The following CSMD1 variants were observed in gnomAD, a reference collection of about 807,000 sequenced individuals.
The protein encoded by CSMD1 is CUB and Sushi multiple domains 1, also known as CUB and sushi domain-containing protein 1.
Under a neutral mutation model 417.5 loss-of-function variants are expected in CSMD1, and 213 were observed. The observed-to-expected ratio is 0.51, with a 90% CI of 0.46 to 0.57. The LOEUF is 0.57. Ranked by LOEUF, CSMD1 falls within the 20% of genes least tolerant of loss-of-function variation. CSMD1 has a pLI of 0.00. For synonymous variants in CSMD1, 2,862 were observed against 1,736.8 expected, an observed-to-expected ratio of 1.65 and a Z score of -16.11; for missense variants, 6,923 against 4,529.7, an observed-to-expected ratio of 1.53 and a Z score of -15.17.
rs529929248 is a variant in CSMD1, at chr8:4,449,988, C to T, written c.303-29923G>A. ...TTTCCACATTCTGCCTTTCACTGGC[C>T]CTGTCCTAGCCATCTCTCCTGCTAT... On this transcript the variant is annotated intron_variant, in intron 2 of 69. Coordinates refer to ENST00000635120, the MANE Select transcript of CSMD1 (RefSeq NM_033225.6). Among the ~76,000 whole-genome samples the T allele has an allele frequency of 2.2e-4, 33 of 152,240 alleles. No individual in the cohort carries two copies. The South Asian group carries it at 2.3e-3, about 11-fold the overall frequency.
At position 3,187,896 on chromosome 8, in the gene CSMD1, T is replaced by C. The variant is rs765511425; in HGVS notation, c.5593A>G (p.Thr1865Ala). The change falls in exon 36 of 70, where the codon ACC becomes GCC. Residue 1865 changes from threonine (T) to alanine (A), a missense_variant. Transcript: ENST00000635120. ...GAGAAGCTTCCCAGTCTGGGTGCGG[T>C]CACATCCCCACCATCGTGGATCTCA... Reference protein sequence around the residue: ...SLEIHDGGDVTAPRLGSFSGT... With the variant: ...SLEIHDGGDVAAPRLGSFSGT... 5 of 1,613,034 alleles carry C rather than the reference T, an allele frequency of 3.1e-6. No individual in the cohort carries two copies. In the East Asian group the frequency reaches 1.1e-4, roughly 36 times the overall value.
intron 5 of CSMD1, among the ~76,000 whole-genome samples, chr8:3,838,537 C>CTA (rs1802858777): frequency 8.1e-6 from 1 of 123,690 alleles, no homozygotes; most frequent in Non-Finnish European, 1.6e-5. Context: ...TATATATAGT[C>CTA]TATATATGTA....
intron 55 of CSMD1, among the ~76,000 whole-genome samples, chr8:2,976,038 G>T (rs1029209765): frequency 9.2e-5 from 14 of 152,336 alleles, no homozygotes; most frequent in Non-Finnish European, 1.8e-4. Flanking sequence ...CAAGGAAGAT[G>T]AGAATGCAGA....
chr8:4,090,021 G>A (rs143290977), intron 3 of CSMD1, among the ~76,000 whole-genome samples: 19 of 152,274 alleles, frequency 1.2e-4, no homozygotes, highest in African/African-American at 4.1e-4. Flanking sequence ...TTTTGTAAAG[G>A]AATTATATTT....
intron 6 of CSMD1, among the ~76,000 whole-genome samples, chr8:3,720,620 T>TTCTCACACACACACACAC (rs72331833): frequency 0.017 from 2,371 of 143,368 alleles, 62 homozygotes; most frequent in African/African-American, 0.042. Flanking sequence ...TCTTTATTCT[T>TTCTCACACACACACACAC]ACACACACAC....
chr8:4,142,734 G>A (rs903612390), intron 3 of CSMD1, among the ~76,000 whole-genome samples: 3 of 151,046 alleles, frequency 2.0e-5, no homozygotes, highest in Non-Finnish European at 2.9e-5. Flanking sequence ...CTGACACAAC[G>A]TGAGATTACA....
chr8:3,375,145 T>A (rs1459996060), intron 18 of CSMD1: 1 of 152,108 alleles, frequency 6.6e-6, no homozygotes, highest in East Asian at 1.9e-4. Flanking sequence ...CTGACCTCGT[T>A]CTCCAACTGT....
At chr8:3,078,991 A>C (rs950751235) in intron 49 of CSMD1, among the ~76,000 whole-genome samples, 1 of 152,142 alleles carries the variant, frequency 6.6e-6, no homozygotes, top group African/African-American at 2.4e-5. Context: ...CTTTATGCCC[A>C]TTTGCAGATA....
chr8:3,115,467 G>T (rs543396164), intron 42 of CSMD1, among the ~76,000 whole-genome samples: 9 of 152,108 alleles, frequency 5.9e-5, no homozygotes, highest in Admixed American at 6.5e-5. Flanking sequence ...CTCCCAAAGT[G>T]TTGGGATTAC....
In CSMD1 at chr8:4,932,228, G is replaced by A. The variant is rs1302295842; in HGVS notation, c.85+62104C>T. Among the ~76,000 whole-genome samples the A allele has an allele frequency of 2.0e-5, 3 of 147,580 alleles. No homozygotes were observed. The Admixed American group carries it at 2.1e-4, about 10-fold the overall frequency. ...ATTTGCTCCCTTCATTTTATTTTGGGAAGACTTTTAAATATAACTTCTCTG... is the reference window on the plus strand; with the variant it reads ...ATTTGCTCCCTTCATTTTATTTTGGAAAGACTTTTAAATATAACTTCTCTG... On this transcript the variant is annotated intron_variant, in intron 1 of 69. Transcript: ENST00000635120.
chr8:3,620,559 G>C (rs532617314), intron 7 of CSMD1, among the ~76,000 whole-genome samples: 1 of 152,072 alleles, frequency 6.6e-6, no homozygotes, highest in East Asian at 1.9e-4. Context: ...TGAAGTTTTC[G>C]TATATGAATG....
At chr8:4,271,644 G>C (rs983402287) in intron 3 of CSMD1, among the ~76,000 whole-genome samples, 4 of 151,740 alleles carry the variant, frequency 2.6e-5, no homozygotes, top group Admixed American at 1.3e-4. Flanking sequence ...GAAAGGAAAA[G>C]AAAAGAAATG....
intron 43 of CSMD1, among the ~76,000 whole-genome samples, chr8:3,109,429 G>A (rs926782781): frequency 6.6e-6 from 1 of 152,108 alleles, no homozygotes; most frequent in Non-Finnish European, 1.5e-5. Context: ...TTCAAATTCT[G>A]TTTCTCCTCA....
At chr8:3,253,240 G>T (rs994025166) in intron 26 of CSMD1, among the ~76,000 whole-genome samples, 1 of 151,886 alleles carries the variant, frequency 6.6e-6, no homozygotes, top group African/African-American at 2.4e-5. Flanking sequence ...CTTTGCTCTC[G>T]TTGGTTTCAA....
chr8:3,423,391 C>T (rs1373968648), intron 12 of CSMD1, among the ~76,000 whole-genome samples: 1 of 152,216 alleles, frequency 6.6e-6, no homozygotes, highest in Non-Finnish European at 1.5e-5. Flanking sequence ...CCATAGCTTT[C>T]TCTCTTCCAG....
At chr8:4,493,210 A>G (rs1256008322) in intron 2 of CSMD1, among the ~76,000 whole-genome samples, 1 of 152,164 alleles carries the variant, frequency 6.6e-6, no homozygotes, top group Non-Finnish European at 1.5e-5. Context: ...CCTACATTGG[A>G]AGCACAAAAA....
At chr8:3,267,919 C>T (rs558227205) in intron 26 of CSMD1, among the ~76,000 whole-genome samples, 2 of 152,100 alleles carry the variant, frequency 1.3e-5, no homozygotes, top group African/African-American at 4.8e-5. Context: ...CAAAGGGCAG[C>T]AGAGGGCAGA....
Position 3,445,417 on chromosome 8 carries a change from C to T in CSMD1, c.1561+23295G>A, listed in dbSNP as rs545188312. Among the ~76,000 whole-genome samples, 9 of 152,248 alleles carry T rather than the reference C, an allele frequency of 5.9e-5. No homozygotes were observed. In the South Asian group the frequency reaches 1.7e-3, roughly 28 times the overall value. On this transcript the variant is annotated intron_variant, in intron 12 of 69. Transcript: ENST00000635120. Reference sequence around the variant, plus strand: ...AGGCAGATATGACTGTGCCTACTTGCAGATAGTTCTCAGAAAGAGAAAGTG... The same window carrying T: ...AGGCAGATATGACTGTGCCTACTTGTAGATAGTTCTCAGAAAGAGAAAGTG...
At chr8:4,052,156 C>G (rs182902470) in intron 3 of CSMD1, among the ~76,000 whole-genome samples, 31 of 152,112 alleles carry the variant, frequency 2.0e-4, no homozygotes, top group Admixed American at 5.2e-4. Context: ...AACTCCTGAC[C>G]TGAAGTGATC....
Sources: allele counts gnomAD v4.1 joint callset (sites outside exome capture counted in the v4.1 genomes callset), GRCh38; gene constraint gnomAD v4.1.1; transcripts MANE v1.5; gene names NCBI Gene and HGNC (gene_info 2026-07-23, HGNC 2026-07-21).